ATP11A: variants seen among roughly 807,000 people sequenced by gnomAD.
ATP11A encodes the protein phospholipid-transporting ATPase IH.
A neutral mutation model predicts 154.4 loss-of-function variants in ATP11A; 81 were observed. That is an observed-to-expected ratio of 0.52 (90% CI 0.44 to 0.63). The LOEUF (loss-of-function observed/expected upper bound fraction) is 0.63, where lower values mean the gene tolerates loss of function less well. Among genes scored for constraint, ATP11A ranks in the 30% least tolerant of loss-of-function variants. ATP11A has a pLI of 0.00. For synonymous variants in ATP11A, 623 were observed against 585.9 expected, an observed-to-expected ratio of 1.06 and a Z score of -0.91; for missense variants, 1,316 against 1,474.3, an observed-to-expected ratio of 0.89 and a Z score of 1.76.
intron 1 of ATP11A, among the ~76,000 whole-genome samples, chr13:112,741,306 G>A (rs1226657459): frequency 6.6e-6 from 1 of 151,772 alleles, no homozygotes; most frequent in African/African-American, 2.4e-5. Context: ...CTGTAGTCGG[G>A]AGGGTTGGGC....
At chr13:112,871,560 G>T (rs1300745576) in intron 25 of ATP11A, among the ~76,000 whole-genome samples, 175 bp from the exon 26 acceptor site, 1 of 152,132 alleles carries the variant, frequency 6.6e-6, no homozygotes. Context: ...GCCGTGCTCT[G>T]GGGAGTTGCT....
In ATP11A at chr13:112,690,555, G is replaced by T; in HGVS notation, c.39+100G>T. ...TGGCCGGTCCAGCCCCGGGGTCCCG[G>T]GAGGTCTCCGATGTCTGGGACTCGG... is the stretch of plus-strand genomic sequence containing the variant. On this transcript the variant is annotated intron_variant, in intron 1 of 29. Transcript: ENST00000375645. The surrounding 1 kb of genome is among the most constrained non-coding windows in gnomAD (Gnocchi z 5.6). The T allele has an allele frequency of 8.6e-7, 1 of 1,162,654 alleles. No homozygotes were observed. The highest frequency in any genetic ancestry group is 1.1e-6 in the Non-Finnish European group (1 of 922,466). 72.0% of individuals were successfully genotyped at this position (1,162,654 alleles called of 1,614,324 possible). A position where few individuals can be genotyped will look rare whatever the true frequency, so the allele number is the denominator to read the frequency against.
intron 2 of ATP11A, among the ~76,000 whole-genome samples, chr13:112,795,239 C>A (rs928934888): frequency 2.6e-5 from 4 of 152,210 alleles, no homozygotes; most frequent in African/African-American, 9.6e-5. Context: ...AGTGAGACTT[C>A]ATCTCAAAAT....
At position 112,887,161 on chromosome 13, in the gene ATP11A, TCACA is replaced by T. The variant is rs778928067; in HGVS notation, c.*5298_*5301del. The stretch of plus-strand genomic sequence containing the variant: ...TGCTTCAGTTTCTTTATAAAGAAAC[TCACA>T]CAAGTGGTGTGTACATTTTCTGCTC... On this transcript the variant is annotated 3_prime_UTR_variant, in exon 30 of 30. Coordinates refer to ENST00000375645, the MANE Select transcript of ATP11A (RefSeq NM_015205.3). 5.9e-5 allele frequency: 9 copies of T among 152,250 alleles called. No individual in the cohort carries two copies. Among genetic ancestry groups the T allele is most frequent in the Non-Finnish European group, 1.3e-4 (9 of 68,044 alleles). The allele number at this position is 152,250 out of a possible 1,614,324, so 9.4% of individuals were successfully genotyped here. A position where few individuals can be genotyped will look rare whatever the true frequency, so the allele number is the denominator to read the frequency against.
Position 112,805,093 on chromosome 13 carries a change from A to G in ATP11A, c.252+47A>G, listed in dbSNP as rs1458930891. ...CATCTCATCACATATAAATCTAAAT[A>G]AGTGACATTTTATTCTCAGGTAACT... On this transcript the variant is annotated intron_variant, in intron 3 of 29. Transcript: ENST00000375645. 5 of 1,419,032 alleles carry G rather than the reference A, an allele frequency of 3.5e-6. No individual in the cohort carries two copies. The South Asian group carries it at 6.2e-5, about 18-fold the overall frequency. 87.9% of individuals were successfully genotyped at this position (1,419,032 alleles called of 1,614,324 possible).
At chr13:112,809,927 G>C (rs1273442943) in intron 4 of ATP11A, among the ~76,000 whole-genome samples, 2 of 152,212 alleles carry the variant, frequency 1.3e-5, no homozygotes, top group African/African-American at 4.8e-5. Flanking sequence ...AGGCATCCAG[G>C]TCCGTCAGCG....
chr13:112,700,643 T>C (rs767028957), intron 1 of ATP11A, among the ~76,000 whole-genome samples: 22 of 152,244 alleles, frequency 1.4e-4, no homozygotes, highest in Non-Finnish European at 3.1e-4. Flanking sequence ...CAGCCCCAGG[T>C]TGTGCCTGTT....
intron 16 of ATP11A, among the ~76,000 whole-genome samples, chr13:112,837,273 C>T (rs2140272399): frequency 6.6e-6 from 1 of 152,354 alleles, no homozygotes; most frequent in East Asian, 1.9e-4. Flanking sequence ...CCCACAGTGG[C>T]CTTGTTCCCC....
At chr13:112,740,142 C>CTA (rs1566408695) in intron 1 of ATP11A, among the ~76,000 whole-genome samples, 2 of 104,456 alleles carry the variant, frequency 1.9e-5, no homozygotes, top group Non-Finnish European at 3.7e-5. Context: ...CTCTCTCTCT[C>CTA]TCTCTCTATA....
chr13:112,826,200 G>A (rs960049177), intron 11 of ATP11A, among the ~76,000 whole-genome samples: 8 of 152,280 alleles, frequency 5.3e-5, no homozygotes, highest in African/African-American at 1.7e-4. Context: ...TGTCCCCTCC[G>A]TCCAGAGCGG....
chr13:112,822,812 CT>C (rs2078833621), intron 8 of ATP11A, among the ~76,000 whole-genome samples: 1 of 151,972 alleles, frequency 6.6e-6, no homozygotes, highest in South Asian at 2.1e-4. Flanking sequence ...ATCCACCCCT[CT>C]TTAGCCTTTC....
rs1231943664 is a variant in ATP11A, at chr13:112,873,588, C to A, written c.3073C>A (p.His1025Asn). 1.2e-6 allele frequency: 2 copies of A among 1,607,756 alleles called. No individual in the cohort carries two copies. Among genetic ancestry groups the A allele is most frequent in the East Asian group, 4.5e-5 (2 of 44,820 alleles). The change falls in exon 27 of 30, where the codon CAC (histidine) becomes AAC (asparagine). Residue 1025 changes from histidine (H) to asparagine (N), a missense_variant. Physicochemically the swap from His to Asn is moderately conservative, Grantham distance 68. Around this residue, in one of 5 missense-constraint regions of ATP11A, gnomAD observed 294 missense variants for 290.2 expected, o/e 1.01. Transcript: ENST00000375645. ...TTCCTTTTAGCTTGCATTGGACACA[C>A]ACTACTGGACTTGGATCAACCATTT... Reference protein sequence around the residue: ...TVTLKLALDTHYWTWINHFVI... With the variant: ...TVTLKLALDTNYWTWINHFVI...
At chr13:112,711,178 T>C (rs1887705669) in intron 1 of ATP11A, among the ~76,000 whole-genome samples, 1 of 152,234 alleles carries the variant, frequency 6.6e-6, no homozygotes, top group Admixed American at 6.5e-5. Flanking sequence ...CTTTTCATCA[T>C]GCTTCCTGAG....
intron 2 of ATP11A, among the ~76,000 whole-genome samples, chr13:112,799,997 A>G (rs2078091497): frequency 6.6e-6 from 1 of 152,248 alleles, no homozygotes; most frequent in African/African-American, 2.4e-5. Flanking sequence ...TAAACAAAAA[A>G]TATAACTTAT....
At chr13:112,803,483 C>T (rs1362616527) in intron 2 of ATP11A, among the ~76,000 whole-genome samples, 1 of 152,196 alleles carries the variant, frequency 6.6e-6, no homozygotes, top group Non-Finnish European at 1.5e-5. Flanking sequence ...GCTGTGAGAC[C>T]TTCTTCAGGT....
At chr13:112,784,575 G>T (rs1006292892) in intron 1 of ATP11A, among the ~76,000 whole-genome samples, 6 of 150,402 alleles carry the variant, frequency 4.0e-5, no homozygotes, top group Non-Finnish European at 8.9e-5. Flanking sequence ...CCAGGCTGGA[G>T]TGCAGTGGTG....
intron 28 of ATP11A, among the ~76,000 whole-genome samples, chr13:112,877,749 A>G (rs2080772232): frequency 6.6e-6 from 1 of 152,192 alleles, no homozygotes; most frequent in African/African-American, 2.4e-5. Flanking sequence ...GGGCTCTTCC[A>G]TGCACTGTGC....
In ATP11A at chr13:112,856,097, C is replaced by T. The variant is rs760846370; in HGVS notation, c.2418+12C>T. The stretch of plus-strand genomic sequence containing the variant: ...TGCAGAAGGCTCAGGTGCTGCCCGC[C>T]CGTCCTCGATAGCTGGTGGTCAGGG... On this transcript the variant is annotated intron_variant, in intron 20 of 29. Transcript: ENST00000375645. 3 of 1,607,114 alleles carry T rather than the reference C, an allele frequency of 1.9e-6. No individual in the cohort carries two copies. Among genetic ancestry groups the T allele is most frequent in the Non-Finnish European group, 2.5e-6 (3 of 1,176,854 alleles).
intron 4 of ATP11A, 142 bp from the exon 5 acceptor site, chr13:112,810,477 A>G (rs1053542051): frequency 1.3e-5 from 9 of 671,022 alleles, no homozygotes; most frequent in Admixed American, 9.5e-5. Flanking sequence ...TGTGTAGTGC[A>G]TCCTCATGCT....
Sources: allele counts gnomAD v4.1 joint callset (sites outside exome capture counted in the v4.1 genomes callset), GRCh38; gene constraint gnomAD v4.1.1; regional missense constraint gnomAD v4.1.1; non-coding constraint Gnocchi (gnomAD v3.1); transcripts MANE v1.5; gene names NCBI Gene and HGNC (gene_info 2026-07-23, HGNC 2026-07-21).